PPM1H: variants seen among roughly 807,000 people sequenced by gnomAD.
The protein encoded by PPM1H is protein phosphatase, Mg2+/Mn2+ dependent 1H.
Under a neutral mutation model 54.9 loss-of-function variants are expected in PPM1H, and 27 were observed. The ratio of observed to expected loss-of-function variants is 0.49; its 90% confidence interval spans 0.36 to 0.68. The LOEUF (loss-of-function observed/expected upper bound fraction) is 0.68, where lower values mean the gene tolerates loss of function less well. Among genes scored for constraint, PPM1H ranks in the 30% least tolerant of loss-of-function variants. The pLI, the probability that PPM1H is intolerant of heterozygous loss-of-function variation, is 0.00. For synonymous variants in PPM1H, 305 were observed against 270.8 expected, an observed-to-expected ratio of 1.13 and a Z score of -1.24; for missense variants, 596 against 667.8, an observed-to-expected ratio of 0.89 and a Z score of 1.19.
chr12:62,786,100 A>T (rs1266713994), intron 4 of PPM1H, among the ~76,000 whole-genome samples: 1 of 152,196 alleles, frequency 6.6e-6, no homozygotes, highest in Non-Finnish European at 1.5e-5. Context: ...GAAACCAGAC[A>T]TAAAGGCTTT....
intron 7 of PPM1H, among the ~76,000 whole-genome samples, chr12:62,690,611 T>A (rs1421924433): frequency 6.6e-6 from 1 of 152,232 alleles, no homozygotes; most frequent in Non-Finnish European, 1.5e-5. Flanking sequence ...AAACATTTAT[T>A]GGGTGCCTAC....
At chr12:62,881,398 GGA>G (rs1223375807) in intron 1 of PPM1H, among the ~76,000 whole-genome samples, 2 of 151,862 alleles carry the variant, frequency 1.3e-5, no homozygotes, top group African/African-American at 4.8e-5. Context: ...AAGGCAGAGA[GGA>G]GAGAGAGATA....
intron 8 of PPM1H, among the ~76,000 whole-genome samples, chr12:62,669,570 C>T (rs2075942147): frequency 6.6e-6 from 1 of 152,172 alleles, no homozygotes; most frequent in Non-Finnish European, 1.5e-5. Context: ...ACTGTGGAGA[C>T]TGTTCCTTAG....
chr12:62,901,605 C>A (rs1418615547), intron 1 of PPM1H, among the ~76,000 whole-genome samples: 1 of 152,220 alleles, frequency 6.6e-6, no homozygotes, highest in Non-Finnish European at 1.5e-5. Context: ...CACACACTTG[C>A]TGTTAAGGCT....
chr12:62,749,516 C>T (rs1333805010), intron 4 of PPM1H, among the ~76,000 whole-genome samples: 1 of 152,130 alleles, frequency 6.6e-6, no homozygotes, highest in Non-Finnish European at 1.5e-5. Context: ...GGAAAGAAAG[C>T]AGGGCAGCTG....
At chr12:62,713,931 G>C (rs929767549) in intron 6 of PPM1H, among the ~76,000 whole-genome samples, 1 of 151,978 alleles carries the variant, frequency 6.6e-6, no homozygotes, top group African/African-American at 2.4e-5. Context: ...TCATGTGACC[G>C]CCTTCCAGCC....
intron 3 of PPM1H, among the ~76,000 whole-genome samples, chr12:62,797,939 C>A (rs945030330): frequency 6.6e-6 from 1 of 152,096 alleles, no homozygotes; most frequent in Non-Finnish European, 1.5e-5. Context: ...CAGCAGGCAC[C>A]CACTGACCCA....
intron 8 of PPM1H, among the ~76,000 whole-genome samples, chr12:62,689,152 T>C (rs1333407554): frequency 6.6e-6 from 1 of 152,090 alleles, no homozygotes; most frequent in Non-Finnish European, 1.5e-5. Context: ...GCATCTAAGC[T>C]AAACTCCAGA....
intron 4 of PPM1H, among the ~76,000 whole-genome samples, chr12:62,757,769 T>C (rs1178865173): frequency 6.6e-6 from 1 of 152,244 alleles, no homozygotes; most frequent in Non-Finnish European, 1.5e-5. Context: ...TATGGACTTA[T>C]CCAAATTTAC....
chr12:62,823,119 C>T (rs567669595), intron 2 of PPM1H, among the ~76,000 whole-genome samples: 2 of 152,296 alleles, frequency 1.3e-5, no homozygotes, highest in East Asian at 3.9e-4. Flanking sequence ...ATAAACACCT[C>T]TACACAAATA....
chr12:62,742,699 A>C (rs951058620), intron 4 of PPM1H, among the ~76,000 whole-genome samples: 1 of 152,166 alleles, frequency 6.6e-6, no homozygotes, highest in East Asian at 1.9e-4. Flanking sequence ...CTACGTATAC[A>C]CTCTGACCTT....
chr12:62,813,443 C>T (rs2076847479), intron 2 of PPM1H, among the ~76,000 whole-genome samples: 1 of 152,166 alleles, frequency 6.6e-6, no homozygotes, highest in Non-Finnish European at 1.5e-5. Context: ...GTCAATCCTC[C>T]GCGTGCATGG....
rs2075790481 is a variant in PPM1H, at chr12:62,647,158, C to A, written c.*1331G>T. 6.6e-6 allele frequency: 1 copy of A among 152,242 alleles called. No individual in the cohort carries two copies. Among genetic ancestry groups the A allele is most frequent in the African/African-American group, 2.4e-5 (1 of 41,450 alleles). 9.4% of individuals were successfully genotyped at this position (152,242 alleles called of 1,614,324 possible). A position where few individuals can be genotyped will look rare whatever the true frequency, so the allele number is the denominator to read the frequency against. ...AGAAGCAGCAGGTAGATATGGCATG[C>A]ACTGTGCCTGCTGCTGCTGCTCTTG... On this transcript the variant is annotated 3_prime_UTR_variant, in exon 10 of 10. Coordinates refer to ENST00000228705, the MANE Select transcript of PPM1H (RefSeq NM_020700.2).
At chr12:62,715,327 G>T (rs1482377525) in intron 6 of PPM1H, among the ~76,000 whole-genome samples, 1 of 152,084 alleles carries the variant, frequency 6.6e-6, no homozygotes, top group Non-Finnish European at 1.5e-5. Flanking sequence ...GGAGGTGAGA[G>T]CCAAGGGGGT....
At chr12:62,662,153 T>C (rs2075887949) in intron 9 of PPM1H, among the ~76,000 whole-genome samples, 1 of 152,156 alleles carries the variant, frequency 6.6e-6, no homozygotes, top group African/African-American at 2.4e-5. Flanking sequence ...GGCATACAGA[T>C]TTATCACTCT....
At chr12:62,672,567 C>G (rs929777043) in intron 8 of PPM1H, among the ~76,000 whole-genome samples, 2 of 152,122 alleles carry the variant, frequency 1.3e-5, no homozygotes, top group Non-Finnish European at 2.9e-5. Context: ...TTCAACAGGA[C>G]CCCAGGGAAT....
intron 1 of PPM1H, among the ~76,000 whole-genome samples, chr12:62,875,241 A>G (rs1448303561): frequency 6.6e-6 from 1 of 152,232 alleles, no homozygotes; most frequent in Non-Finnish European, 1.5e-5. Context: ...GTTCTGGGAC[A>G]TGAAATTCTA....
chr12:62,832,054 TG>T (rs1868370295), intron 2 of PPM1H, 59 bp downstream of exon 2: 1 of 1,566,114 alleles, frequency 6.4e-7, no homozygotes, highest in Non-Finnish European at 8.8e-7. Flanking sequence ...TGTCTTCCAG[TG>T]GGACCAAAGT....
intron 1 of PPM1H, among the ~76,000 whole-genome samples, chr12:62,933,375 C>G (rs1390409831): frequency 6.6e-6 from 1 of 152,072 alleles, no homozygotes; most frequent in East Asian, 1.9e-4. Flanking sequence ...GCCACCAGAA[C>G]AGGGTCAGCA....
Sources: gnomAD v4.1 joint callset for allele counts (sites outside exome capture counted in the v4.1 genomes callset) on GRCh38, gnomAD v4.1.1 for gene constraint, MANE v1.5 for transcripts, NCBI Gene and HGNC (gene_info 2026-07-23, HGNC 2026-07-21) for gene names.